NEBL: variants seen among roughly 807,000 people sequenced by gnomAD.
The protein encoded by NEBL is nebulette, also known as LIM and SH3 protein 2.
Under a neutral mutation model 140.2 loss-of-function variants are expected in NEBL, and 122 were observed. The ratio of observed to expected loss-of-function variants is 0.87; its 90% CI spans 0.75 to 1.01. The LOEUF is 1.01. Among genes scored for constraint, NEBL ranks in the 50% least tolerant of loss-of-function variants. The pLI, the probability that NEBL is intolerant of heterozygous loss-of-function variation, is 0.00. For synonymous variants in NEBL, 436 were observed against 398.9 expected, an observed-to-expected ratio of 1.09 and a Z score of -1.11; for missense variants, 1,365 against 1,231.3, an observed-to-expected ratio of 1.11 and a Z score of -1.62.
At chr10:21,121,748 G>T (rs540097830) in intron 2 of NEBL, among the ~76,000 whole-genome samples, 1 of 152,236 alleles carries the variant, frequency 6.6e-6, no homozygotes, top group African/African-American at 2.4e-5. Flanking sequence ...ACACATGACA[G>T]TTAACTCCCC....
chr10:20,864,931 C>A (rs968344528), intron 7 of NEBL, among the ~76,000 whole-genome samples: 2 of 151,926 alleles, frequency 1.3e-5, no homozygotes, highest in African/African-American at 2.4e-5. Flanking sequence ...AAAATGAATA[C>A]GATAGCTATA....
chr10:21,030,756 C>T (rs1219881114), intron 2 of NEBL: 2 of 426,328 alleles, frequency 4.7e-6, no homozygotes, highest in Non-Finnish European at 9.2e-6. Context: ...GGAAAGATGG[C>T]AAAAAGGAGC....
chr10:21,107,317 C>T (rs1351629261), intron 2 of NEBL, among the ~76,000 whole-genome samples: 1 of 152,106 alleles, frequency 6.6e-6, no homozygotes, highest in East Asian at 1.9e-4. Context: ...TCATAAATAG[C>T]TCTCATTATT....
At chr10:20,903,452 T>C (rs999519792) in intron 4 of NEBL, among the ~76,000 whole-genome samples, 2 of 152,140 alleles carry the variant, frequency 1.3e-5, no homozygotes, top group Non-Finnish European at 2.9e-5. Flanking sequence ...CGGGAGACAA[T>C]ATGAAGCTTT....
At chr10:20,808,760 C>A in intron 25 of NEBL, 101 bp from the exon 26 acceptor site, 2 of 1,289,842 alleles carry the variant, frequency 1.6e-6, no homozygotes, top group Non-Finnish European at 2.2e-6. Flanking sequence ...AAAACCATCT[C>A]TTAGTAAAGA....
intron 2 of NEBL, among the ~76,000 whole-genome samples, chr10:21,024,479 G>A (rs1446948715): frequency 1.3e-5 from 2 of 150,672 alleles, no homozygotes; most frequent in East Asian, 3.9e-4. Context: ...TATATTCAGA[G>A]CTAGCAAAAT....
At chr10:21,170,686 A>G (rs1014485835) in intron 2 of NEBL, 2 of 152,512 alleles carry the variant, frequency 1.3e-5, no homozygotes, top group Non-Finnish European at 2.9e-5. Flanking sequence ...CAATGCCCCC[A>G]TTTTCTGATT....
At chr10:20,811,663 T>G (rs138142742) in intron 24 of NEBL, among the ~76,000 whole-genome samples, 1 of 152,348 alleles carries the variant, frequency 6.6e-6, no homozygotes, top group Non-Finnish European at 1.5e-5. Context: ...ACCCTGGTTT[T>G]GTAAAGACAT....
intron 10 of NEBL, among the ~76,000 whole-genome samples, chr10:20,851,742 G>T (rs1471115217): frequency 6.6e-6 from 1 of 151,946 alleles, no homozygotes; most frequent in Non-Finnish European, 1.5e-5. Context: ...CCGAGATCAC[G>T]CCATTGCACT....
intron 2 of NEBL, chr10:21,110,621 G>A (rs997509109): frequency 5.6e-6 from 2 of 359,544 alleles, no homozygotes; most frequent in African/African-American, 4.3e-5. Context: ...GCTCTTCTCT[G>A]GAGCAGTAAT....
At chr10:21,107,737 G>A (rs965441791) in intron 2 of NEBL, among the ~76,000 whole-genome samples, 2 of 152,150 alleles carry the variant, frequency 1.3e-5, no homozygotes, top group African/African-American at 2.4e-5. Flanking sequence ...AGTTTTGGAA[G>A]GAATGGTACC....
intron 2 of NEBL, among the ~76,000 whole-genome samples, chr10:21,128,415 G>A (rs1838940252): frequency 6.6e-6 from 1 of 152,032 alleles, no homozygotes; most frequent in Admixed American, 6.6e-5. Flanking sequence ...ACACCCCCAA[G>A]AGCATTTCAA....
chr10:20,893,040 C>T (rs997267024), intron 2 of NEBL, among the ~76,000 whole-genome samples: 9 of 152,182 alleles, frequency 5.9e-5, no homozygotes, highest in Admixed American at 4.6e-4. Flanking sequence ...CCCACAACAA[C>T]GTTCATTTGC....
At chr10:21,222,305 T>C (rs1842081273) in intron 3 of NEBL, among the ~76,000 whole-genome samples, 1 of 151,354 alleles carries the variant, frequency 6.6e-6, no homozygotes, top group African/African-American at 2.4e-5. Context: ...AAAAGGGTAA[T>C]GATTTGAAAC....
chr10:20,876,415 C>T (rs114475775), intron 5 of NEBL, among the ~76,000 whole-genome samples: 39 of 151,996 alleles, frequency 2.6e-4, no homozygotes, highest in African/African-American at 9.2e-4. Flanking sequence ...ATGCTAAATC[C>T]TAAAGCACTA....
intron 21 of NEBL, among the ~76,000 whole-genome samples, chr10:20,816,237 T>C (rs910487413): frequency 3.3e-5 from 5 of 152,170 alleles, no homozygotes; most frequent in South Asian, 2.1e-4. Context: ...CTCGAATACA[T>C]AGGCATACCA....
intron 2 of NEBL, among the ~76,000 whole-genome samples, chr10:21,112,063 T>G (rs891731617): frequency 1.3e-5 from 2 of 152,216 alleles, no homozygotes; most frequent in Admixed American, 6.5e-5. Flanking sequence ...CCAGTTAGAA[T>G]GGCGATCATT....
chr10:20,858,125 G>A, intron 9 of NEBL, 115 bp downstream of exon 9: 1 of 791,080 alleles, frequency 1.3e-6, no homozygotes, highest in Non-Finnish European at 2.2e-6. Context: ...TAGTTAACGA[G>A]GGAGGAGTGA....
chr10:21,055,269 C>T (rs752115605), intron 2 of NEBL, among the ~76,000 whole-genome samples: 1 of 152,170 alleles, frequency 6.6e-6, no homozygotes, highest in Non-Finnish European at 1.5e-5. Flanking sequence ...AAAATATTTA[C>T]AGTTTTAAGT....
Sources: allele counts gnomAD v4.1 joint callset (sites outside exome capture counted in the v4.1 genomes callset), GRCh38; gene constraint gnomAD v4.1.1; transcripts MANE v1.5; gene names NCBI Gene and HGNC (gene_info 2026-07-23, HGNC 2026-07-21).